The following NDUFAF2 variants were observed in gnomAD, a reference collection of about 807,000 sequenced individuals.
NDUFAF2 encodes the protein NADH:ubiquinone oxidoreductase complex assembly factor 2, also known as NADH dehydrogenase [ubiquinone] 1 alpha subcomplex assembly factor 2.
Under a neutral mutation model 22.8 loss-of-function variants are expected in NDUFAF2, and 13 were observed. That is an observed-to-expected ratio of 0.57 (90% CI 0.37 to 0.91). The LOEUF (loss-of-function observed/expected upper bound fraction) is 0.91. NDUFAF2 is among the 40% of genes least tolerant of loss of function. NDUFAF2 has a pLI of 0.01. For missense variants in NDUFAF2, 162 were observed against 195.2 expected (o/e 0.83, Z 1.01); for synonymous variants, 53 against 64.2 (o/e 0.83, Z 0.84).
At chr5:61,039,916 A>G (rs956691836) in intron 1 of NDUFAF2, among the ~76,000 whole-genome samples, 6 of 152,190 alleles carry the variant, frequency 3.9e-5, no homozygotes, top group Admixed American at 2.6e-4. Flanking sequence ...TCAAGATACT[A>G]TAACTCTTTA....
chr5:61,151,473 T>G (rs753809037), intron 3 of NDUFAF2, among the ~76,000 whole-genome samples: 4 of 152,040 alleles, frequency 2.6e-5, no homozygotes, highest in African/African-American at 4.8e-5. Flanking sequence ...CATTTAGAAA[T>G]GCATTGTAAA....
At chr5:61,141,312 T>C (rs976164347) in intron 3 of NDUFAF2, among the ~76,000 whole-genome samples, 2 of 152,200 alleles carry the variant, frequency 1.3e-5, no homozygotes, top group Non-Finnish European at 2.9e-5. Flanking sequence ...CTTTGTTTTA[T>C]ATGATTGCAG....
chr5:61,018,101 C>G (rs1751535556), intron 1 of NDUFAF2, among the ~76,000 whole-genome samples: 1 of 152,106 alleles, frequency 6.6e-6, no homozygotes, highest in South Asian at 2.1e-4. Flanking sequence ...ATACTTAAAA[C>G]TCAGTACTTT....
chr5:61,062,158 G>A (rs913790731), intron 1 of NDUFAF2, among the ~76,000 whole-genome samples: 9 of 152,134 alleles, frequency 5.9e-5, no homozygotes, highest in African/African-American at 2.2e-4. Context: ...ACATGGAAAA[G>A]CAAGGAAATA....
intron 1 of NDUFAF2, among the ~76,000 whole-genome samples, chr5:60,951,241 G>T (rs1750541922): frequency 6.6e-6 from 1 of 152,110 alleles, no homozygotes; most frequent in African/African-American, 2.4e-5. Flanking sequence ...ATATTGGCCA[G>T]GATGGTTTTG....
intron 3 of NDUFAF2, among the ~76,000 whole-genome samples, chr5:61,099,789 C>G (rs555537150): frequency 6.6e-6 from 1 of 152,192 alleles, no homozygotes; most frequent in South Asian, 2.1e-4. Flanking sequence ...TCCCTTTCTT[C>G]TACTATTTAG....
chr5:60,973,149 T>C (rs1750858287), intron 1 of NDUFAF2, among the ~76,000 whole-genome samples: 1 of 152,190 alleles, frequency 6.6e-6, no homozygotes, highest in Admixed American at 6.5e-5. Context: ...ATTAAAGGTA[T>C]TGAATGCTCA....
At chr5:61,139,225 A>G (rs1433291814) in intron 3 of NDUFAF2, among the ~76,000 whole-genome samples, 2 of 152,222 alleles carry the variant, frequency 1.3e-5, no homozygotes, top group African/African-American at 4.8e-5. Context: ...CTAGTAACAC[A>G]GTACACTGTA....
At chr5:61,044,936 A>G in intron 1 of NDUFAF2, among the ~76,000 whole-genome samples, 1 of 151,718 alleles carries the variant, frequency 6.6e-6, no homozygotes, top group East Asian at 1.9e-4. Flanking sequence ...TTAGCAATAT[A>G]ATAAATCTTT....
intron 1 of NDUFAF2, among the ~76,000 whole-genome samples, chr5:61,072,478 CAGA>C (rs1421754441): frequency 3.3e-5 from 5 of 152,140 alleles, no homozygotes; most frequent in Non-Finnish European, 7.3e-5. Flanking sequence ...ACATGTAAGT[CAGA>C]AGAAGTTGAA....
At chr5:61,070,434 G>A (rs1331146419) in intron 1 of NDUFAF2, among the ~76,000 whole-genome samples, 1 of 151,944 alleles carries the variant, frequency 6.6e-6, no homozygotes, top group Non-Finnish European at 1.5e-5. Flanking sequence ...AAACATATCT[G>A]ATTACAAAGA....
chr5:61,017,449 A>C (rs900032686), intron 1 of NDUFAF2, among the ~76,000 whole-genome samples: 1 of 152,172 alleles, frequency 6.6e-6, no homozygotes, highest in Non-Finnish European at 1.5e-5. Context: ...TGTTTGAGAC[A>C]AAAAAATGAA....
intron 3 of NDUFAF2, among the ~76,000 whole-genome samples, chr5:61,147,542 A>G (rs1000182994): frequency 2.1e-5 from 3 of 143,732 alleles, no homozygotes; most frequent in African/African-American, 7.7e-5. Context: ...CCAACGTGCT[A>G]GGATTACAGG....
At chr5:61,021,130 A>C (rs551296032) in intron 1 of NDUFAF2, among the ~76,000 whole-genome samples, 2 of 152,132 alleles carry the variant, frequency 1.3e-5, no homozygotes, top group South Asian at 4.1e-4. Context: ...GCTGTCAGAA[A>C]TTACTGCAAA....
intron 3 of NDUFAF2, among the ~76,000 whole-genome samples, chr5:61,128,841 C>T (rs886570602): frequency 3.9e-5 from 6 of 152,102 alleles, no homozygotes; most frequent in African/African-American, 1.4e-4. Flanking sequence ...GCAAAAGAAA[C>T]TACCATCAGA....
intron 3 of NDUFAF2, among the ~76,000 whole-genome samples, chr5:61,147,680 G>A (rs1561139926): frequency 6.6e-6 from 1 of 151,954 alleles, no homozygotes; most frequent in Admixed American, 6.6e-5. Flanking sequence ...CAATATAGTG[G>A]CCATTAGTCA....
chr5:61,000,643 G>A (rs889398500), intron 1 of NDUFAF2, among the ~76,000 whole-genome samples: 8 of 92,192 alleles, frequency 8.7e-5, no homozygotes, highest in Non-Finnish European at 1.3e-4. Flanking sequence ...GCTCTCTTTC[G>A]GTTCTCATTT....
At chr5:61,144,324 A>T (rs963330607) in intron 3 of NDUFAF2, among the ~76,000 whole-genome samples, 1 of 152,176 alleles carries the variant, frequency 6.6e-6, no homozygotes, top group Non-Finnish European at 1.5e-5. Flanking sequence ...GTTTGAAAAC[A>T]GTTATTCATT....
chr5:61,150,244 A>C (rs298630), intron 3 of NDUFAF2, among the ~76,000 whole-genome samples: 6,623 of 152,012 alleles, frequency 0.044, 175 homozygotes, highest in South Asian at 0.08. Flanking sequence ...TCAATTCCAA[A>C]TATTTACAAG....
Sources: gnomAD v4.1 joint callset for allele counts (sites outside exome capture counted in the v4.1 genomes callset) on GRCh38, gnomAD v4.1.1 for gene constraint, MANE v1.5 for transcripts, NCBI Gene and HGNC (gene_info 2026-07-23, HGNC 2026-07-21) for gene names.